The following YWHAE variants were observed in gnomAD, a reference collection of about 807,000 sequenced individuals.
YWHAE encodes the protein 14-3-3 protein epsilon.
YWHAE carries 4 observed loss-of-function variants against 30.1 expected under a neutral mutation model. That is an observed-to-expected ratio of 0.13 (90% CI 0.07 to 0.30). The LOEUF (loss-of-function observed/expected upper bound fraction) is 0.30. YWHAE is among the 10% of genes least tolerant of loss of function. The pLI is 1.00. For synonymous variants in YWHAE, 118 were observed against 111.8 expected, an observed-to-expected ratio of 1.06 and a Z score of -0.35; for missense variants, 121 against 315.9, an observed-to-expected ratio of 0.38 and a Z score of 4.68.
At chr17:1,364,793 T>G (rs2072918734) in intron 2 of YWHAE, 66 bp downstream of exon 2, 2 of 1,571,532 alleles carry the variant, frequency 1.3e-6, no homozygotes, top group Non-Finnish European at 8.7e-7. Flanking sequence ...CTCAAAATCT[T>G]AAGTGTACCG....
At chr17:1,377,840 G>A (rs1005321296) in intron 1 of YWHAE, among the ~76,000 whole-genome samples, 6 of 152,152 alleles carry the variant, frequency 3.9e-5, no homozygotes, top group Non-Finnish European at 8.8e-5. Context: ...CCTGAGGTCA[G>A]GAGTTCGAGA....
chr17:1,355,491 A>C (rs919091717), intron 4 of YWHAE, among the ~76,000 whole-genome samples: 3 of 152,062 alleles, frequency 2.0e-5, no homozygotes, highest in Admixed American at 2.0e-4. Context: ...ACAATACCTC[A>C]AAGTTTAAAA....
Position 1,354,304 on chromosome 17 carries a change from T to A in YWHAE, c.622A>T (p.Thr208Ser). The A allele has an allele frequency of 6.2e-7, 1 of 1,614,136 alleles. No homozygotes were observed. Among genetic ancestry groups the A allele is most frequent in the Non-Finnish European group, 8.5e-7 (1 of 1,179,992 alleles). Reference protein sequence around the residue: ...AFDDAIAELDTLSEESYKDST... With the variant: ...AFDDAIAELDSLSEESYKDST... Reference sequence around the variant, plus strand: ...TCCTTATAGCTTTCTTCACTCAGCGTATCCAGTTCTGCAATTGCATCATCA... The same window carrying A: ...TCCTTATAGCTTTCTTCACTCAGCGAATCCAGTTCTGCAATTGCATCATCA... Residue 208 changes from threonine to serine, a missense_variant, in exon 5 of 6, where the codon ACG becomes TCG. By Grantham distance (58) the Thr-to-Ser change is moderately conservative. Coordinates refer to ENST00000264335, the MANE Select transcript of YWHAE (RefSeq NM_006761.5).
At chr17:1,398,070 G>A (rs1258923284) in intron 1 of YWHAE, among the ~76,000 whole-genome samples, 3 of 152,030 alleles carry the variant, frequency 2.0e-5, no homozygotes, top group South Asian at 2.1e-4. Context: ...TTTTTTAAAG[G>A]AGCTTTCAAA....
chr17:1,344,722 G>T lies in YWHAE; in HGVS notation c.*725C>A. The T allele has an allele frequency of 4.3e-6, 1 of 232,942 alleles. No individual in the cohort carries two copies. Among genetic ancestry groups the T allele is most frequent in the Non-Finnish European group, 8.5e-6 (1 of 117,706 alleles). The allele number at this position is 232,942 out of a possible 1,614,324, so 14.4% of individuals were successfully genotyped here. On this transcript the variant is annotated 3_prime_UTR_variant, in exon 6 of 6. Transcript: ENST00000264335. ...GCGAGCGAAGGAGGGGAGGAGTGAG[G>T]GGAAGGAGGTAGGGGGAGGGGGAAG...
chr17:1,355,138 A>C (rs1214344683), intron 4 of YWHAE, among the ~76,000 whole-genome samples: 17 of 117,150 alleles, frequency 1.5e-4, no homozygotes, highest in Admixed American at 5.8e-4. Flanking sequence ...AAAAAAAAAA[A>C]AAAAAAAAAA....
intron 1 of YWHAE, among the ~76,000 whole-genome samples, chr17:1,373,162 G>C (rs760666348): frequency 2.0e-5 from 3 of 151,916 alleles, no homozygotes; most frequent in African/African-American, 4.8e-5. Context: ...AGAATCGCTT[G>C]AACTCAGGAG....
chr17:1,376,208 T>A (rs905826492), intron 1 of YWHAE, among the ~76,000 whole-genome samples: 6 of 152,182 alleles, frequency 3.9e-5, no homozygotes, highest in Non-Finnish European at 7.3e-5. Flanking sequence ...TTTGTTTGCT[T>A]CTGTGACAAT....
chr17:1,370,020 G>C (rs2073006147), intron 1 of YWHAE, among the ~76,000 whole-genome samples: 1 of 152,004 alleles, frequency 6.6e-6, no homozygotes, highest in Admixed American at 6.6e-5. Context: ...AGTGGCCGTG[G>C]CAAGACAATG....
At chr17:1,391,291 GA>G (rs35121249) in intron 1 of YWHAE, among the ~76,000 whole-genome samples, 10,822 of 148,100 alleles carry the variant, frequency 0.073, 438 homozygotes, top group African/African-American at 0.093. Context: ...AACTTCATTT[GA>G]AAAAAAAAAA....
At chr17:1,365,721 T>TCATATTA (rs2072931836) in intron 1 of YWHAE, among the ~76,000 whole-genome samples, 1 of 152,178 alleles carries the variant, frequency 6.6e-6, no homozygotes, top group Non-Finnish European at 1.5e-5. Context: ...AAATAGTAAC[T>TCATATTA]GAATAAATAC....
chr17:1,388,764 A>C (rs1167104484), intron 1 of YWHAE, among the ~76,000 whole-genome samples: 2 of 152,138 alleles, frequency 1.3e-5, no homozygotes, highest in African/African-American at 4.8e-5. Flanking sequence ...TTTCCTAAGT[A>C]GTATATTCTG....
chr17:1,353,273 C>G (rs772023465), intron 5 of YWHAE, among the ~76,000 whole-genome samples: 2 of 151,116 alleles, frequency 1.3e-5, no homozygotes, highest in African/African-American at 4.9e-5. Context: ...TCCATCTTTA[C>G]TAAAAATACA....
intron 4 of YWHAE, among the ~76,000 whole-genome samples, chr17:1,357,320 G>T (rs560233723): frequency 9.0e-5 from 13 of 143,772 alleles, no homozygotes; most frequent in Non-Finnish European, 1.7e-4. Context: ...GGAGAATGGC[G>T]TGAACCCGGG....
At chr17:1,399,404 C>T (rs1162561225) in intron 1 of YWHAE, 1 of 152,636 alleles carries the variant, frequency 6.6e-6, no homozygotes, top group Non-Finnish European at 1.5e-5. Flanking sequence ...TGCCACCGCC[C>T]GAAGACGAAC....
intron 2 of YWHAE, among the ~76,000 whole-genome samples, chr17:1,362,764 T>C (rs537118283): frequency 6.6e-6 from 1 of 151,734 alleles, no homozygotes; most frequent in Non-Finnish European, 1.5e-5. Flanking sequence ...TGCAGAAAAT[T>C]CTCTCTTTTT....
chr17:1,385,880 C>T (rs1489839959), intron 1 of YWHAE, among the ~76,000 whole-genome samples: 1 of 151,982 alleles, frequency 6.6e-6, no homozygotes, highest in Non-Finnish European at 1.5e-5. Context: ...GCTGAAAGAC[C>T]AGCCTGGGCA....
At chr17:1,377,020 G>A (rs1320215244) in intron 1 of YWHAE, among the ~76,000 whole-genome samples, 1 of 150,896 alleles carries the variant, frequency 6.6e-6, no homozygotes, top group East Asian at 1.9e-4. Flanking sequence ...TTCAAGTGAT[G>A]CTCTTGCCCC....
intron 1 of YWHAE, among the ~76,000 whole-genome samples, chr17:1,372,081 G>A (rs7221996): frequency 0.25 from 37,351 of 151,848 alleles, 5,322 homozygotes; most frequent in African/African-American, 0.39. Context: ...CTCGTGATCC[G>A]TCCGCCTCGG....
Sources: allele counts gnomAD v4.1 joint callset (sites outside exome capture counted in the v4.1 genomes callset), GRCh38; gene constraint gnomAD v4.1.1; transcripts MANE v1.5; gene names NCBI Gene and HGNC (gene_info 2026-07-23, HGNC 2026-07-21).